Variants in GABRB2 observed in about 807,000 individuals in gnomAD.
The protein encoded by GABRB2 is gamma-aminobutyric acid receptor subunit beta-2.
Under a neutral mutation model 54.7 loss-of-function variants are expected in GABRB2, and 16 were observed. The observed-to-expected ratio is 0.29, with a 90% CI of 0.20 to 0.44. The LOEUF (loss-of-function observed/expected upper bound fraction) is 0.44. Ranked by LOEUF, GABRB2 falls within the 20% of genes least tolerant of loss-of-function variation. The pLI, the probability that GABRB2 is intolerant of heterozygous loss-of-function variation, is 1.00. For missense variants in GABRB2, 355 were observed against 644.0 expected, an observed-to-expected ratio of 0.55 and a Z score of 4.86; for synonymous variants, 244 against 233.8, an observed-to-expected ratio of 1.04 and a Z score of -0.40.
intron 4 of GABRB2, among the ~76,000 whole-genome samples, chr5:161,440,102 C>CA (rs1182717555): frequency 2.3e-5 from 3 of 131,996 alleles, no homozygotes; most frequent in African/African-American, 8.3e-5. Flanking sequence ...CACATATACA[C>CA]AAAAAATAAA....
intron 3 of GABRB2, among the ~76,000 whole-genome samples, chr5:161,485,829 C>A (rs975863764): frequency 3.3e-5 from 5 of 151,830 alleles, no homozygotes; most frequent in African/African-American, 1.2e-4. Context: ...ATCTGTTTTC[C>A]TTTACACCCT....
intron 5 of GABRB2, among the ~76,000 whole-genome samples, chr5:161,363,722 T>TAAA (rs1754890005): frequency 2.0e-5 from 3 of 151,750 alleles, no homozygotes; most frequent in Non-Finnish European, 4.4e-5. Flanking sequence ...AAAGAAACAT[T>TAAA]AGGGTTAGAA....
intron 5 of GABRB2, among the ~76,000 whole-genome samples, chr5:161,390,949 T>C (rs1461928562): frequency 6.6e-6 from 1 of 152,098 alleles, no homozygotes; most frequent in Admixed American, 6.6e-5. Context: ...GTGGCAAAAA[T>C]AGAAAATTTA....
chr5:161,405,193 G>A (rs569942165), intron 5 of GABRB2, among the ~76,000 whole-genome samples: 4 of 151,814 alleles, frequency 2.6e-5, no homozygotes, highest in Admixed American at 2.0e-4. Flanking sequence ...CCTTCCTCAG[G>A]GTAAATGTTC....
chr5:161,434,897 T>C (rs1200619568), intron 4 of GABRB2, among the ~76,000 whole-genome samples: 1 of 152,130 alleles, frequency 6.6e-6, no homozygotes. Flanking sequence ...GTCCACTATA[T>C]CCACACTAGT....
intron 9 of GABRB2, among the ~76,000 whole-genome samples, chr5:161,310,677 GCACACACA>G (rs71579135): frequency 4.6e-5 from 7 of 150,710 alleles, no homozygotes; most frequent in African/African-American, 7.3e-5. Context: ...GCGCACGCGC[GCACACACA>G]CACACACACA....
rs1758385982 is a variant in GABRB2, at chr5:161,327,014, AAATC to A, written c.1078-537_1078-534del. The A allele has an allele frequency of 1.6e-5, 16 of 980,648 alleles. No individual in the cohort carries two copies. In the East Asian group the frequency reaches 4.6e-4, roughly 28 times the overall value. 60.7% of individuals were successfully genotyped at this position (980,648 alleles called of 1,614,324 possible). On this transcript the variant is annotated intron_variant, in intron 8 of 9. Transcript: ENST00000393959. ...AAGCTACGGGCAAGAACAGTGGGTG[AAATC>A]AATCAAAAGCAAATTCCATTAGGAC... is the stretch of plus-strand genomic sequence containing the variant.
At chr5:161,344,382 A>C (rs554051429) in intron 5 of GABRB2, among the ~76,000 whole-genome samples, 197 of 152,208 alleles carry the variant, frequency 1.3e-3, no homozygotes, top group Non-Finnish European at 2.3e-3. Context: ...ATTTTGCCTC[A>C]TTAGGCTAAG....
chr5:161,441,646 G>A (rs1431398757), intron 4 of GABRB2, among the ~76,000 whole-genome samples: 1 of 152,130 alleles, frequency 6.6e-6, no homozygotes, highest in East Asian at 1.9e-4. Flanking sequence ...ATAGATTTCT[G>A]TACTCCTATG....
chr5:161,319,762 T>A (rs890426790), intron 9 of GABRB2, among the ~76,000 whole-genome samples: 15 of 151,894 alleles, frequency 9.9e-5, no homozygotes, highest in Non-Finnish European at 2.2e-4. Flanking sequence ...AATTTTCATG[T>A]CTGATAGAAT....
At chr5:161,446,835 T>C (rs1757627108) in intron 4 of GABRB2, among the ~76,000 whole-genome samples, 1 of 152,078 alleles carries the variant, frequency 6.6e-6, no homozygotes. Context: ...TCATCATCTG[T>C]TACATATTTT....
intron 4 of GABRB2, among the ~76,000 whole-genome samples, chr5:161,435,504 A>AT (rs767637346): frequency 1.3e-5 from 2 of 152,100 alleles, no homozygotes; most frequent in Non-Finnish European, 2.9e-5. Context: ...ATTATAGGAT[A>AT]TTTTTTTCTA....
At chr5:161,460,266 ATATGTGTG>A (rs1353823877) in intron 3 of GABRB2, among the ~76,000 whole-genome samples, 2 of 145,528 alleles carry the variant, frequency 1.4e-5, no homozygotes, top group East Asian at 4.0e-4. Context: ...ATTTATATAT[ATATGTGTG>A]TGTGTGTGTG....
chr5:161,437,305 C>G (rs1012240092), intron 4 of GABRB2, among the ~76,000 whole-genome samples: 1 of 151,840 alleles, frequency 6.6e-6, no homozygotes, highest in African/African-American at 2.4e-5. Flanking sequence ...GAATACCAGC[C>G]CAGCCACAGC....
intron 9 of GABRB2, among the ~76,000 whole-genome samples, 186 bp downstream of exon 9, chr5:161,326,182 C>T (rs1758355548): frequency 6.6e-6 from 1 of 152,080 alleles, no homozygotes; most frequent in African/African-American, 2.4e-5. Flanking sequence ...CAAAGCTATA[C>T]TGAAAAAGCA....
intron 5 of GABRB2, among the ~76,000 whole-genome samples, chr5:161,369,132 CTTA>C (rs1755057858): frequency 6.6e-6 from 1 of 152,112 alleles, no homozygotes; most frequent in South Asian, 2.1e-4. Flanking sequence ...TTCTTTAGAT[CTTA>C]TTATTAGAAC....
chr5:161,409,993 T>C (rs974946941), intron 5 of GABRB2, among the ~76,000 whole-genome samples: 1 of 152,116 alleles, frequency 6.6e-6, no homozygotes, highest in African/African-American at 2.4e-5. Context: ...ATATCCACAA[T>C]GTGTCACAAA....
chr5:161,295,446 A>G (rs1438142850), intron 9 of GABRB2, among the ~76,000 whole-genome samples: 4 of 152,206 alleles, frequency 2.6e-5, no homozygotes, highest in African/African-American at 7.2e-5. Flanking sequence ...TAGACAGAAC[A>G]AGTTTTCATT....
At chr5:161,514,842 G>C (rs563639300) in intron 3 of GABRB2, among the ~76,000 whole-genome samples, 5 of 152,208 alleles carry the variant, frequency 3.3e-5, no homozygotes, top group African/African-American at 1.2e-4. Flanking sequence ...TTATCTGTGA[G>C]AGTTTAGGAA....
Sources: gnomAD v4.1 joint callset for allele counts (sites outside exome capture counted in the v4.1 genomes callset) on GRCh38, gnomAD v4.1.1 for gene constraint, MANE v1.5 for transcripts, NCBI Gene and HGNC (gene_info 2026-07-23, HGNC 2026-07-21) for gene names.